The following AADACL4 variants were observed in gnomAD, a reference collection of about 807,000 sequenced individuals.
AADACL4 encodes arylacetamide deacetylase-like 4.
Under a neutral mutation model 14.1 loss-of-function variants are expected in AADACL4, and 9 were observed. The ratio of observed to expected loss-of-function variants is 0.64; its 90% CI spans 0.39 to 1.12. AADACL4 has a LOEUF of 1.12. Ranked by LOEUF, AADACL4 falls within the 50% of genes most tolerant of loss-of-function variation. The probability of loss-of-function intolerance (pLI) is 0.01; values close to 1 mark genes in which losing one functional copy is unlikely to be tolerated. For synonymous variants in AADACL4, 188 were observed against 201.6 expected, an observed-to-expected ratio of 0.93 and a Z score of 0.57; for missense variants, 531 against 516.1, an observed-to-expected ratio of 1.03 and a Z score of -0.28.
intron 1 of AADACL4, among the ~76,000 whole-genome samples, chr1:12,646,101 C>G (rs760131194): frequency 1.1e-4 from 16 of 152,138 alleles, no homozygotes; most frequent in Non-Finnish European, 2.1e-4. Flanking sequence ...CCCCAATGTC[C>G]CAACCCTAGG....
At chr1:12,651,486 C>A in intron 2 of AADACL4, 147 bp downstream of exon 2, 2 of 820,338 alleles carry the variant, frequency 2.4e-6, no homozygotes, top group African/African-American at 1.7e-5. Context: ...AGACTAAGGG[C>A]TTTGGGCTCA....
At chr1:12,661,999 C>T (rs1557552211) in intron 3 of AADACL4, 145 bp downstream of exon 3, 7 of 904,252 alleles carry the variant, frequency 7.7e-6, no homozygotes, top group Middle Eastern at 3.0e-4. Context: ...CAGCAGTGCT[C>T]GAAAGAGCAA....
chr1:12,653,626 A>G (rs138195984), intron 2 of AADACL4, among the ~76,000 whole-genome samples: 233 of 152,318 alleles, frequency 1.5e-3, no homozygotes, highest in African/African-American at 5.4e-3. Flanking sequence ...TGGCTTAGTA[A>G]TGAGCGCAAA....
intron 1 of AADACL4, among the ~76,000 whole-genome samples, chr1:12,647,964 G>A (rs1570425032): frequency 1.3e-5 from 2 of 150,498 alleles, no homozygotes; most frequent in African/African-American, 2.4e-5. Context: ...AGCCACTATC[G>A]CTTTTCTGTT....
intron 2 of AADACL4, among the ~76,000 whole-genome samples, chr1:12,659,797 C>T (rs1330574509): frequency 1.3e-5 from 2 of 152,100 alleles, no homozygotes; most frequent in East Asian, 3.9e-4. Context: ...CATGCACCAC[C>T]ACCCCTAGGT....
chr1:12,665,870 A>G (rs1647310986), intron 3 of AADACL4, 91 bp from the exon 4 acceptor site: 3 of 1,309,782 alleles, frequency 2.3e-6, no homozygotes, highest in Middle Eastern at 1.9e-4. Flanking sequence ...AATCAGATAT[A>G]GTCTTGTAAG....
chr1:12,645,213 T>C (rs1647103491), intron 1 of AADACL4, among the ~76,000 whole-genome samples: 1 of 134,882 alleles, frequency 7.4e-6, no homozygotes, highest in African/African-American at 2.8e-5. Context: ...CTTTCCCTTC[T>C]TCCTTCCTCC....
In AADACL4 at chr1:12,647,050, C is replaced by G. The variant is rs116281433; in HGVS notation, c.168+2336C>G. On this transcript the variant is annotated intron_variant, in intron 1 of 3. Coordinates refer to ENST00000376221, the MANE Select transcript of AADACL4 (RefSeq NM_001013630.2). ...CCCTCACTTACTCGTTTTGTGGACT[C>G]ATGTTTTTGTGCCTTTATTTTCTTC... Among the ~76,000 whole-genome samples the G allele has an allele frequency of 1.9e-3, 289 of 151,442 alleles. 2 individuals carry two copies. Among genetic ancestry groups the G allele is most frequent in the African/African-American group, 6.6e-3 (272 of 41,236 alleles).
intron 2 of AADACL4, among the ~76,000 whole-genome samples, chr1:12,657,773 A>G (rs1436223348): frequency 6.6e-6 from 1 of 152,068 alleles, no homozygotes; most frequent in Non-Finnish European, 1.5e-5. Flanking sequence ...CTGCCATGGT[A>G]CTAGTGGGTG....
At chr1:12,651,883 C>T (rs1044978095) in intron 2 of AADACL4, among the ~76,000 whole-genome samples, 8 of 147,978 alleles carry the variant, frequency 5.4e-5, no homozygotes, top group African/African-American at 1.8e-4. Flanking sequence ...GGCTGGAGTG[C>T]AGTGGCGTGA....
chr1:12,651,598 C>T (rs947951149), intron 2 of AADACL4, among the ~76,000 whole-genome samples: 5 of 152,158 alleles, frequency 3.3e-5, no homozygotes, highest in South Asian at 2.1e-4. Flanking sequence ...GTGGGGCTGT[C>T]GCAGAGGCTG....
intron 1 of AADACL4, among the ~76,000 whole-genome samples, chr1:12,646,275 C>T (rs115627813): frequency 0.011 from 1,664 of 152,272 alleles, 19 homozygotes; most frequent in African/African-American, 0.023. Flanking sequence ...ACTCGCTGTG[C>T]GGTCCTGCAC....
rs542140422 is a variant in AADACL4, at chr1:12,661,939, C to A, written c.449+85C>A. 9.8e-6 allele frequency: 14 copies of A among 1,434,072 alleles called. No homozygotes were observed. In the East Asian group the frequency reaches 3.0e-4, roughly 30 times the overall value. 88.8% of individuals were successfully genotyped at this position (1,434,072 alleles called of 1,614,324 possible). A position where few individuals can be genotyped will look rare whatever the true frequency, so the allele number is the denominator to read the frequency against. ...ATGGGTGATTTGTAGATCAGAGAGG[C>A]CCTAACTCCCAAGAGGCAACTCTTG... On this transcript the variant is annotated intron_variant, in intron 3 of 3. Transcript: ENST00000376221.
intron 1 of AADACL4, among the ~76,000 whole-genome samples, chr1:12,650,567 T>C (rs2100759350): frequency 6.6e-6 from 1 of 151,208 alleles, no homozygotes; most frequent in Admixed American, 6.6e-5. Flanking sequence ...GGAGTCTCTC[T>C]CTGTTGCCAG....
chr1:12,658,581 A>C (rs928728232), intron 2 of AADACL4, among the ~76,000 whole-genome samples: 3 of 152,118 alleles, frequency 2.0e-5, no homozygotes, highest in Middle Eastern at 6.8e-3. Context: ...TTCTCCTGTA[A>C]CCACCCTGTG....
chr1:12,655,970 G>C (rs1011416566), intron 2 of AADACL4, among the ~76,000 whole-genome samples: 16 of 152,002 alleles, frequency 1.1e-4, no homozygotes, highest in African/African-American at 3.9e-4. Context: ...TAAAATTTAG[G>C]GTTTCATTCT....
chr1:12,645,245 T>TCCTC (rs375922335), intron 1 of AADACL4, among the ~76,000 whole-genome samples: 11,033 of 75,572 alleles, frequency 0.15, 1,050 homozygotes, highest in Admixed American at 0.19. Context: ...CTTCCTTCCC[T>TCCTC]CCTCCCTCCC....
intron 2 of AADACL4, among the ~76,000 whole-genome samples, chr1:12,655,629 C>T (rs1180998761): frequency 1.3e-5 from 2 of 152,100 alleles, no homozygotes; most frequent in East Asian, 3.9e-4. Context: ...CTGAAGCCTC[C>T]CTCTGGGTGA....
chr1:12,660,264 T>G (rs2256803), intron 2 of AADACL4, among the ~76,000 whole-genome samples: 18,006 of 152,186 alleles, frequency 0.12, 2,358 homozygotes, highest in African/African-American at 0.33. Flanking sequence ...ATTTAAAATT[T>G]TGATATTTTG....
Sources: gnomAD v4.1 joint callset for allele counts (sites outside exome capture counted in the v4.1 genomes callset) on GRCh38, gnomAD v4.1.1 for gene constraint, MANE v1.5 for transcripts, NCBI Gene and HGNC (gene_info 2026-07-23, HGNC 2026-07-21) for gene names.